CSGALNACT1: variants seen among roughly 807,000 people sequenced by gnomAD.
The protein encoded by CSGALNACT1 is beta4GalNAcT-1.
CSGALNACT1 carries 52 observed loss-of-function variants against 51.0 expected under a neutral mutation model. The observed-to-expected ratio is 1.02, with a 90% CI of 0.82 to 1.29. The LOEUF (loss-of-function observed/expected upper bound fraction) is 1.29. Ranked by LOEUF, CSGALNACT1 falls within the 50% of genes most tolerant of loss-of-function variation. The pLI is 0.00. For synonymous variants in CSGALNACT1, 341 were observed against 254.4 expected (o/e 1.34, Z -3.24); for missense variants, 935 against 679.2 (o/e 1.38, Z -4.19).
intron 1 of CSGALNACT1, among the ~76,000 whole-genome samples, chr8:19,611,366 T>G (rs1182447465): frequency 6.6e-6 from 1 of 152,218 alleles, no homozygotes; most frequent in Non-Finnish European, 1.5e-5. Flanking sequence ...GGTTTAAGGT[T>G]TGACAGAAAT....
At chr8:19,737,537 GAAC>G (rs972196632) in intron 1 of CSGALNACT1, among the ~76,000 whole-genome samples, 40 of 149,818 alleles carry the variant, frequency 2.7e-4, no homozygotes, top group African/African-American at 9.1e-4. Context: ...ATTTCTAAGA[GAAC>G]AACTGGAAAA....
At chr8:19,656,716 A>G (rs1466512620) in intron 1 of CSGALNACT1, among the ~76,000 whole-genome samples, 1 of 152,168 alleles carries the variant, frequency 6.6e-6, no homozygotes, top group African/African-American at 2.4e-5. Context: ...TGAGTATGAA[A>G]TAAGAAACTA....
chr8:19,513,881 G>A (rs149364526), intron 3 of CSGALNACT1, among the ~76,000 whole-genome samples: 1 of 151,914 alleles, frequency 6.6e-6, no homozygotes, highest in Non-Finnish European at 1.5e-5. Flanking sequence ...ACATGTATTC[G>A]GTCCACTGAC....
chr8:19,655,099 C>A, intron 1 of CSGALNACT1, among the ~76,000 whole-genome samples: 1 of 152,092 alleles, frequency 6.6e-6, no homozygotes, highest in East Asian at 1.9e-4. Flanking sequence ...AACACCATGG[C>A]CTAATCGCTC....
At chr8:19,559,054 A>G (rs1237264650) in intron 3 of CSGALNACT1, among the ~76,000 whole-genome samples, 1 of 152,160 alleles carries the variant, frequency 6.6e-6, no homozygotes, top group African/African-American at 2.4e-5. Context: ...CACAACAAAA[A>G]AGCTTAATTT....
At chr8:19,500,998 C>G (rs188405762) in intron 4 of CSGALNACT1, among the ~76,000 whole-genome samples, 1 of 152,192 alleles carries the variant, frequency 6.6e-6, no homozygotes, top group Non-Finnish European at 1.5e-5. Flanking sequence ...GCCTGTAATC[C>G]CAGCACTTTG....
chr8:19,506,511 C>A (rs1004810011), intron 3 of CSGALNACT1, among the ~76,000 whole-genome samples: 1 of 152,136 alleles, frequency 6.6e-6, no homozygotes, highest in Non-Finnish European at 1.5e-5. Context: ...TTGCTGGCAG[C>A]GGACTACTTG....
chr8:19,463,346 C>G (rs541352499), intron 4 of CSGALNACT1, among the ~76,000 whole-genome samples: 5 of 152,298 alleles, frequency 3.3e-5, no homozygotes, highest in African/African-American at 9.6e-5. Flanking sequence ...ACCCAGCCAT[C>G]CACCCACCAT....
At chr8:19,405,206 A>C (rs1310890292) in exon 10 of CSGALNACT1, 1 of 449,528 alleles carries the variant, frequency 2.2e-6, no homozygotes, top group Non-Finnish European at 4.4e-6. Context: ...CAAAAAGATA[A>C]GCAGATTATT....
At chr8:19,446,052 G>A (rs2062056840) in intron 5 of CSGALNACT1, among the ~76,000 whole-genome samples, 1 of 152,126 alleles carries the variant, frequency 6.6e-6, no homozygotes, top group South Asian at 2.1e-4. Flanking sequence ...ATACAGGCCT[G>A]TAATAGCAGC....
At chr8:19,560,589 G>C (rs530637978) in intron 3 of CSGALNACT1, among the ~76,000 whole-genome samples, 147 of 152,174 alleles carry the variant, frequency 9.7e-4, no homozygotes, top group African/African-American at 3.3e-3. Flanking sequence ...ACACACAAGG[G>C]GAAATCCGTG....
chr8:19,612,504 C>G (rs2052402703), intron 1 of CSGALNACT1, among the ~76,000 whole-genome samples: 1 of 152,126 alleles, frequency 6.6e-6, no homozygotes. Flanking sequence ...ACAAGGATCA[C>G]CCATAAAGGC....
At chr8:19,692,747 C>A (rs1218627477) in intron 1 of CSGALNACT1, among the ~76,000 whole-genome samples, 14 of 152,138 alleles carry the variant, frequency 9.2e-5, no homozygotes, top group Admixed American at 9.2e-4. Context: ...TTTGGTGGAG[C>A]TCTGGTCAAA....
chr8:19,730,973 G>A (rs1477290892), intron 1 of CSGALNACT1, among the ~76,000 whole-genome samples: 1 of 152,130 alleles, frequency 6.6e-6, no homozygotes, highest in Admixed American at 6.5e-5. Flanking sequence ...GGAGAGGTGG[G>A]GAACTCCTTG....
intron 1 of CSGALNACT1, among the ~76,000 whole-genome samples, chr8:19,618,209 A>G (rs896513358): frequency 5.9e-5 from 9 of 152,168 alleles, no homozygotes; most frequent in African/African-American, 1.9e-4. Context: ...TGAGATTTGT[A>G]CTCATTGTTG....
intron 1 of CSGALNACT1, among the ~76,000 whole-genome samples, chr8:19,628,679 G>A (rs938483677): frequency 3.3e-5 from 5 of 151,216 alleles, no homozygotes; most frequent in African/African-American, 9.7e-5. Flanking sequence ...TTTGGGTCTC[G>A]CCATGCTGCC....
chr8:19,717,021 G>A (rs2062850398), intron 1 of CSGALNACT1, among the ~76,000 whole-genome samples: 1 of 152,198 alleles, frequency 6.6e-6, no homozygotes. Context: ...AAGCCTTAGT[G>A]GGGATAAACG....
At chr8:19,634,314 G>C (rs1303157983) in intron 1 of CSGALNACT1, among the ~76,000 whole-genome samples, 2 of 152,104 alleles carry the variant, frequency 1.3e-5, no homozygotes, top group African/African-American at 4.8e-5. Context: ...AGGTGACTAG[G>C]TTTACATGAG....
At chr8:19,670,590 C>T (rs1006538598) in intron 1 of CSGALNACT1, among the ~76,000 whole-genome samples, 5 of 135,682 alleles carry the variant, frequency 3.7e-5, no homozygotes, top group Admixed American at 1.7e-4. Flanking sequence ...CAAGGATCAA[C>T]CGACTAATAA....
Sources: gnomAD v4.1 joint callset for allele counts (sites outside exome capture counted in the v4.1 genomes callset) on GRCh38, gnomAD v4.1.1 for gene constraint, MANE v1.5 for transcripts, NCBI Gene and HGNC (gene_info 2026-07-23, HGNC 2026-07-21) for gene names.